Variants in ZFP69B observed in about 807,000 individuals in gnomAD.
ZFP69B encodes ZFP69 zinc finger protein B.
A neutral mutation model predicts 19.7 loss-of-function variants in ZFP69B; 20 were observed. That is an observed-to-expected ratio of 1.02 (90% CI 0.71 to 1.48). The LOEUF (loss-of-function observed/expected upper bound fraction) is 1.48, where lower values mean the gene tolerates loss of function less well. Among genes scored for constraint, ZFP69B ranks in the 40% most tolerant of loss-of-function variants. ZFP69B has a pLI of 0.00. For synonymous variants in ZFP69B, 220 were observed against 222.7 expected, an observed-to-expected ratio of 0.99 and a Z score of 0.11; for missense variants, 583 against 632.6, an observed-to-expected ratio of 0.92 and a Z score of 0.84.
intron 2 of ZFP69B, among the ~76,000 whole-genome samples, 200 bp from the exon 3 acceptor site, chr1:40,456,745 T>C (rs1645236945): frequency 6.6e-6 from 1 of 152,232 alleles, no homozygotes; most frequent in South Asian, 2.1e-4. Context: ...TTCAGCCAGA[T>C]TGTAAGTTGC....
chr1:40,455,240 C>T (rs1645222374), intron 2 of ZFP69B, among the ~76,000 whole-genome samples: 1 of 152,170 alleles, frequency 6.6e-6, no homozygotes, highest in African/African-American at 2.4e-5. Flanking sequence ...AAGCTCTGCA[C>T]TACCAAACCC....
At chr1:40,454,328 TCA>T in intron 2 of ZFP69B, 40 bp downstream of exon 2, 2 of 1,460,722 alleles carry the variant, frequency 1.4e-6, no homozygotes, top group Non-Finnish European at 1.9e-6. Flanking sequence ...ACATTGTTTC[TCA>T]GATTTTAAGA....
intron 4 of ZFP69B, among the ~76,000 whole-genome samples, chr1:40,461,204 CT>C (rs151044297): frequency 0.017 from 2,453 of 142,518 alleles, 61 homozygotes; most frequent in East Asian, 0.14. Context: ...ATACCATGAT[CT>C]TTTTTTTTTA....
chr1:40,455,659 C>T (rs12568098), intron 2 of ZFP69B, among the ~76,000 whole-genome samples: 13,019 of 151,928 alleles, frequency 0.086, 734 homozygotes, highest in East Asian at 0.21. Context: ...GCAGAATGTG[C>T]GGGTTTGTTA....
intron 4 of ZFP69B, among the ~76,000 whole-genome samples, chr1:40,459,166 A>G (rs1645260253): frequency 6.6e-6 from 1 of 152,146 alleles, no homozygotes; most frequent in African/African-American, 2.4e-5. Flanking sequence ...CTCTGCCACA[A>G]TTTCTGAGGA....
At position 40,460,284 on chromosome 1, in the gene ZFP69B, G is replaced by A. The variant is rs1239808719; in HGVS notation, c.437-2137G>A. ...TTGGAGACAAGTGAAATATTTTTCA[G>A]TAGGGACAAGTCAAATTATGTTATG... On this transcript the variant is annotated intron_variant, in intron 4 of 4. Coordinates refer to ENST00000361584, the MANE Select transcript of ZFP69B (RefSeq NM_023070.3). Among the ~76,000 whole-genome samples the A allele has an allele frequency of 2.0e-5, 3 of 152,238 alleles. No homozygotes were observed. In the East Asian group the frequency reaches 5.8e-4, roughly 29 times the overall value.
At chr1:40,458,474 G>A (rs1645254115) in intron 4 of ZFP69B, among the ~76,000 whole-genome samples, 1 of 151,342 alleles carries the variant, frequency 6.6e-6, no homozygotes, top group Non-Finnish European at 1.5e-5. Flanking sequence ...GACAGAATAT[G>A]AACTTATGCC....
chr1:40,454,424 A>G, intron 2 of ZFP69B, 136 bp downstream of exon 2: 1 of 576,024 alleles, frequency 1.7e-6, no homozygotes, highest in South Asian at 3.2e-5. Context: ...TTTGAGACGG[A>G]GTCTCACTCT....
chr1:40,454,545 C>T (rs1645215771), intron 2 of ZFP69B, among the ~76,000 whole-genome samples: 1 of 152,074 alleles, frequency 6.6e-6, no homozygotes, highest in South Asian at 2.1e-4. Context: ...ACTACAGGTG[C>T]CCACCACCAC....
intron 4 of ZFP69B, among the ~76,000 whole-genome samples, chr1:40,458,412 A>G (rs555005516): frequency 4.0e-4 from 61 of 152,338 alleles, no homozygotes; most frequent in African/African-American, 1.4e-3. Flanking sequence ...AAACTACTGT[A>G]ATAAATCGAC....
rs753418522 is a variant in ZFP69B, at chr1:40,463,191, A to T, written c.1207A>T (p.Ile403Phe). The T allele has an allele frequency of 6.2e-7, 1 of 1,614,188 alleles. No homozygotes were observed. Among genetic ancestry groups the T allele is most frequent in the East Asian group, 2.2e-5 (1 of 44,882 alleles). Residue 403 changes from isoleucine to phenylalanine, a missense_variant, in exon 5 of 5, where the codon ATT becomes TTT. Ile to Phe is a conservative substitution (Grantham distance 21). Transcript: ENST00000361584. ...AGACTGTGGAAAAGCGTTTTTCCAG[A>T]TTAGACACCTTAGGCAACATGAGAT... ...CKDCGKAFFQ[I>F]RHLRQHEIIH...
intron 2 of ZFP69B, 109 bp from the exon 3 acceptor site, chr1:40,456,836 T>C: frequency 7.2e-7 from 1 of 1,393,834 alleles, no homozygotes; most frequent in Non-Finnish European, 9.8e-7. Flanking sequence ...AATTAAATGA[T>C]TAGCAAGACA....
rs1392644919 is a variant in ZFP69B, at chr1:40,462,567, C to G, written c.583C>G (p.Leu195Val). The change falls in exon 5 of 5, where the codon CTA (leucine) becomes GTA (valine). Residue 195 changes from leucine to valine, a missense_variant. Leu to Val is a conservative substitution (Grantham distance 32). Transcript: ENST00000361584. ...GGGAAGAATCTCCAAATGTAATAAG[C>G]TAGAAAGCCAACAAGAGAACCAAAG... ...TLGRISKCNK[L>V]ESQQENQRMG... The G allele has an allele frequency of 2.5e-6, 4 of 1,613,914 alleles. No homozygotes were observed. In the African/African-American group the frequency reaches 4.0e-5, roughly 16 times the overall value.
At chr1:40,461,256 A>T (rs1349140986) in intron 4 of ZFP69B, among the ~76,000 whole-genome samples, 1 of 151,924 alleles carries the variant, frequency 6.6e-6, no homozygotes, top group Non-Finnish European at 1.5e-5. Flanking sequence ...AAATGCATAC[A>T]TTCACATATA....
intron 1 of ZFP69B, among the ~76,000 whole-genome samples, chr1:40,452,828 T>C (rs1393937811): frequency 6.6e-6 from 1 of 152,198 alleles, no homozygotes; most frequent in African/African-American, 2.4e-5. Flanking sequence ...TTTGAAGTGC[T>C]TCAGAAAAAA....
chr1:40,454,477 C>G (rs548258822), intron 2 of ZFP69B, among the ~76,000 whole-genome samples, 189 bp downstream of exon 2: 4 of 152,236 alleles, frequency 2.6e-5, no homozygotes, highest in South Asian at 2.1e-4. Context: ...CGGCTCACTG[C>G]AAGCTCCGTC....
intron 2 of ZFP69B, among the ~76,000 whole-genome samples, chr1:40,454,550 C>T (rs1317566121): frequency 1.3e-5 from 2 of 152,120 alleles, no homozygotes; most frequent in Non-Finnish European, 2.9e-5. Context: ...AGGTGCCCAC[C>T]ACCACACCTG....
Position 40,463,153 on chromosome 1 carries a change from C to G in ZFP69B, c.1169C>G (p.Pro390Arg). ...QHLRTHVREKPFTCKDCGKAF... is the reference protein window; with the variant it reads ...QHLRTHVREKRFTCKDCGKAF... Reference sequence around the variant, plus strand: ...TTGAGAACTCATGTTAGAGAGAAACCTTTTACATGCAAAGACTGTGGAAAA... The same window carrying G: ...TTGAGAACTCATGTTAGAGAGAAACGTTTTACATGCAAAGACTGTGGAAAA... The change falls in exon 5 of 5, where the codon CCT becomes CGT. Residue 390 changes from proline (P) to arginine (R), a missense_variant. Physicochemically the swap from Pro to Arg is moderately radical, Grantham distance 103. Coordinates refer to ENST00000361584, the MANE Select transcript of ZFP69B (RefSeq NM_023070.3). The G allele has an allele frequency of 6.2e-7, 1 of 1,614,082 alleles. No individual in the cohort carries two copies. Among genetic ancestry groups the G allele is most frequent in the Non-Finnish European group, 8.5e-7 (1 of 1,180,010 alleles).
intron 2 of ZFP69B, among the ~76,000 whole-genome samples, chr1:40,455,976 T>A (rs1346344243): frequency 6.6e-6 from 1 of 152,240 alleles, no homozygotes; most frequent in African/African-American, 2.4e-5. Flanking sequence ...ATGGTGTATA[T>A]ATGCCACATT....
Sources: gnomAD v4.1 joint callset for allele counts (sites outside exome capture counted in the v4.1 genomes callset) on GRCh38, gnomAD v4.1.1 for gene constraint, MANE v1.5 for transcripts, NCBI Gene and HGNC (gene_info 2026-07-23, HGNC 2026-07-21) for gene names.